The following NALF1 variants were observed in gnomAD, a reference collection of about 807,000 sequenced individuals.
The protein encoded by NALF1 is NALCN channel auxiliary factor 1.
A neutral mutation model predicts 48.4 loss-of-function variants in NALF1; 3 were observed. The observed-to-expected ratio is 0.06, with a 90% CI of 0.03 to 0.16. NALF1 has a LOEUF of 0.16. Ranked by LOEUF, NALF1 falls within the 10% of genes least tolerant of loss-of-function variation. NALF1 has a pLI of 1.00. For missense variants in NALF1, 526 were observed against 571.5 expected (o/e 0.92, Z 0.81); for synonymous variants, 262 against 245.7 (o/e 1.07, Z -0.62).
intron 1 of NALF1, among the ~76,000 whole-genome samples, chr13:107,766,841 C>A (rs940961059): frequency 3.3e-5 from 5 of 152,080 alleles, no homozygotes; most frequent in African/African-American, 9.7e-5. Context: ...TGTTTTAATG[C>A]CATCTGACCC....
intron 1 of NALF1, among the ~76,000 whole-genome samples, chr13:107,256,298 C>G (rs1342533294): frequency 6.6e-6 from 1 of 152,180 alleles, no homozygotes. Context: ...GCTGCTGTGC[C>G]TCTCTTCCTA....
At chr13:107,304,974 A>C (rs996769265) in intron 1 of NALF1, among the ~76,000 whole-genome samples, 1 of 152,340 alleles carries the variant, frequency 6.6e-6, no homozygotes, top group East Asian at 1.9e-4. Context: ...ACAATAACCA[A>C]ATGAGGTTTT....
At chr13:107,324,308 A>G (rs1201871618) in intron 1 of NALF1, among the ~76,000 whole-genome samples, 1 of 152,226 alleles carries the variant, frequency 6.6e-6, no homozygotes, top group Non-Finnish European at 1.5e-5. Context: ...CTTTATATCC[A>G]TGAAAATCCT....
intron 1 of NALF1, among the ~76,000 whole-genome samples, chr13:107,765,126 T>C (rs1188768338): frequency 1.3e-5 from 2 of 152,148 alleles, no homozygotes; most frequent in Admixed American, 6.6e-5. Flanking sequence ...AGAAAATATG[T>C]TGCTAGGATT....
chr13:107,726,276 T>C (rs555501664), intron 1 of NALF1, among the ~76,000 whole-genome samples: 223 of 152,352 alleles, frequency 1.5e-3, no homozygotes, highest in African/African-American at 5.1e-3. Context: ...TCCTTTCATA[T>C]TTACCAAATA....
intron 2 of NALF1, among the ~76,000 whole-genome samples, chr13:107,207,717 C>T (rs1430291309): frequency 6.6e-6 from 1 of 152,210 alleles, no homozygotes; most frequent in African/African-American, 2.4e-5. Context: ...GGCAGGATCA[C>T]AGCTCACTGC....
At chr13:107,452,831 G>C (rs1184740779) in intron 1 of NALF1, among the ~76,000 whole-genome samples, 2 of 152,152 alleles carry the variant, frequency 1.3e-5, no homozygotes, top group Non-Finnish European at 2.9e-5. Context: ...AGATACAAAG[G>C]GGGTAAAGGC....
intron 1 of NALF1, among the ~76,000 whole-genome samples, chr13:107,405,290 T>A (rs527826722): frequency 6.6e-6 from 1 of 152,090 alleles, no homozygotes; most frequent in Non-Finnish European, 1.5e-5. Flanking sequence ...TTGTTAAATA[T>A]GAAGTAGAGA....
In NALF1 at chr13:107,459,172, T is replaced by C. The variant is rs150823298; in HGVS notation, c.916-248417A>G. 5.3e-3 allele frequency among the ~76,000 whole-genome samples: 811 copies of C among 152,214 alleles called. 7 individuals are homozygous for C. The highest frequency in any genetic ancestry group is 0.018 in the African/African-American group (763 of 41,536). ...AAAATATACCTTTCTTATAAAGAGC[T>C]GGTATCCAGTTCCAAAATATACAAA... is the stretch of plus-strand genomic sequence containing the variant. On this transcript the variant is annotated intron_variant, in intron 1 of 2. Coordinates refer to ENST00000375915, the MANE Select transcript of NALF1 (RefSeq NM_001080396.3).
intron 1 of NALF1, among the ~76,000 whole-genome samples, chr13:107,646,318 G>C (rs1880314052): frequency 6.7e-6 from 1 of 149,888 alleles, no homozygotes; most frequent in African/African-American, 2.4e-5. Context: ...ACAAAATGGT[G>C]TAGACAGGTA....
In NALF1 at chr13:107,475,636, T is replaced by C. The variant is rs373547404; in HGVS notation, c.916-264881A>G. On this transcript the variant is annotated intron_variant, in intron 1 of 2. Transcript: ENST00000375915. ...GAATTCACATTTCAAATCAATGATT[T>C]AAAAATACTTGAAGAGCCAAGGAAT... is the stretch of plus-strand genomic sequence containing the variant. Among the ~76,000 whole-genome samples, 21 of 152,266 alleles carry C rather than the reference T, an allele frequency of 1.4e-4. No homozygotes were observed. The South Asian group carries it at 4.3e-3, about 32-fold the overall frequency.
intron 1 of NALF1, among the ~76,000 whole-genome samples, chr13:107,315,428 T>C (rs1364446259): frequency 1.3e-5 from 2 of 152,250 alleles, no homozygotes. Context: ...TCTCGTTGCA[T>C]GTGTAGCTTT....
chr13:107,577,467 A>C (rs1215652856), intron 1 of NALF1, among the ~76,000 whole-genome samples: 1 of 114,658 alleles, frequency 8.7e-6, no homozygotes, highest in Non-Finnish European at 1.8e-5. Context: ...AGAAAGCTAG[A>C]TATCTGCAAT....
At chr13:107,726,077 A>G (rs1876140570) in intron 1 of NALF1, among the ~76,000 whole-genome samples, 1 of 152,106 alleles carries the variant, frequency 6.6e-6, no homozygotes, top group Admixed American at 6.5e-5. Context: ...CTCTCTCCCT[A>G]TGACCTATTT....
At chr13:107,338,879 T>C (rs1882612954) in intron 1 of NALF1, among the ~76,000 whole-genome samples, 1 of 152,086 alleles carries the variant, frequency 6.6e-6, no homozygotes, top group Admixed American at 6.6e-5. Flanking sequence ...ATGCCTGTAA[T>C]CCCAGTACTT....
At chr13:107,862,834 T>C (rs750809227) in intron 1 of NALF1, among the ~76,000 whole-genome samples, 16 of 151,944 alleles carry the variant, frequency 1.1e-4, no homozygotes, top group Admixed American at 1.3e-4. Context: ...TGTAGCAGTT[T>C]TGAATGAGGG....
At chr13:107,432,055 C>G (rs924141945) in intron 1 of NALF1, among the ~76,000 whole-genome samples, 8 of 152,164 alleles carry the variant, frequency 5.3e-5, no homozygotes, top group African/African-American at 1.9e-4. Flanking sequence ...ATTTGGCTCA[C>G]AGTTCTGCAG....
chr13:107,274,914 A>G (rs1216967306), intron 1 of NALF1, among the ~76,000 whole-genome samples: 1 of 152,174 alleles, frequency 6.6e-6, no homozygotes, highest in African/African-American at 2.4e-5. Context: ...GAGGGATTTG[A>G]GAAATGTTGC....
chr13:107,610,449 T>TA lies in NALF1; in HGVS notation c.915+255232dup, dbSNP rs145339084. Among the ~76,000 whole-genome samples the TA allele has an allele frequency of 0.024, 3,609 of 151,928 alleles. 228 individuals carry two copies. In the East Asian group the frequency reaches 0.27, roughly 11 times the overall value. ...AAGATCTCTAAAACATAATTTCAAG[T>TA]AAAAAAAAGACAGTATGATACAGTG... is the stretch of plus-strand genomic sequence containing the variant. On this transcript the variant is annotated intron_variant, in intron 1 of 2. Transcript: ENST00000375915.
Sources: allele counts gnomAD v4.1 joint callset (sites outside exome capture counted in the v4.1 genomes callset), GRCh38; gene constraint gnomAD v4.1.1; transcripts MANE v1.5; gene names NCBI Gene and HGNC (gene_info 2026-07-23, HGNC 2026-07-21).